MACC1: variants seen among roughly 807,000 people sequenced by gnomAD.
MACC1 encodes MET transcriptional regulator MACC1.
MACC1 carries 79 observed loss-of-function variants against 70.7 expected under a neutral mutation model. The observed-to-expected ratio is 1.12, with a 90% CI of 0.93 to 1.35. The LOEUF is 1.35. MACC1 is among the 40% of genes most tolerant of loss of function. The probability of loss-of-function intolerance (pLI) is 0.00; values close to 1 mark genes in which losing one functional copy is unlikely to be tolerated. For synonymous variants in MACC1, 361 were observed against 347.2 expected, an observed-to-expected ratio of 1.04 and a Z score of -0.44; for missense variants, 1,106 against 978.1, an observed-to-expected ratio of 1.13 and a Z score of -1.74.
intron 2 of MACC1, among the ~76,000 whole-genome samples, chr7:20,164,894 T>C (rs1782189988): frequency 3.8e-5 from 1 of 26,144 alleles, no homozygotes; most frequent in African/African-American, 2.1e-4. Context: ...ACCTAAACTC[T>C]TTTTTTTTTT....
chr7:20,136,925 A>G lies in MACC1; in HGVS notation c.*4021T>C, dbSNP rs1781726860. 1 of 147,996 alleles carries G rather than the reference A, an allele frequency of 6.8e-6. No individual in the cohort carries two copies. The highest frequency in any genetic ancestry group is 1.5e-5 in the Non-Finnish European group (1 of 67,116). 9.2% of individuals were successfully genotyped at this position (147,996 alleles called of 1,614,324 possible). Reference sequence around the variant, plus strand: ...TTAATTCTTAAAGATTATTAATTATAATATTAAATTATAATTATTAATTCT... The same window carrying G: ...TTAATTCTTAAAGATTATTAATTATGATATTAAATTATAATTATTAATTCT... On this transcript the variant is annotated 3_prime_UTR_variant, in exon 7 of 7. Transcript: ENST00000400331.
At chr7:20,200,630 T>C (rs764857751) in intron 1 of MACC1, among the ~76,000 whole-genome samples, 28 of 152,238 alleles carry the variant, frequency 1.8e-4, no homozygotes, top group Non-Finnish European at 3.7e-4. Flanking sequence ...AGTAATGCAC[T>C]CAACCATCAG....
Position 20,154,334 on chromosome 7 carries a change from T to A in MACC1, c.2205A>T (p.Gln735His). Residue 735 changes from glutamine to histidine, a missense_variant, in exon 6 of 7, where the codon CAA becomes CAT. By Grantham distance (24) the Gln-to-His change is conservative (BLOSUM62 0). Transcript: ENST00000400331. ...CAGCTGAAGTCAGAACAGCAGCTTCTTGGATGAGACGTGCGACTAACTCTT... is the reference window on the plus strand; with the variant it reads ...CAGCTGAAGTCAGAACAGCAGCTTCATGGATGAGACGTGCGACTAACTCTT... Reference protein sequence around the residue: ...DCQELVARLIQEAAVLTSAVK... With the variant: ...DCQELVARLIHEAAVLTSAVK... 6.2e-7 allele frequency: 1 copy of A among 1,613,970 alleles called. No individual in the cohort carries two copies. The highest frequency in any genetic ancestry group is 8.5e-7 in the Non-Finnish European group (1 of 1,179,916).
chr7:20,212,096 AAGAT>A (rs1783005206), intron 1 of MACC1, among the ~76,000 whole-genome samples: 1 of 152,220 alleles, frequency 6.6e-6, no homozygotes, highest in South Asian at 2.1e-4. Context: ...GATATCGACA[AAGAT>A]AGGATAGTGG....
chr7:20,154,286 C>T lies in MACC1; in HGVS notation c.2253G>A (p.Arg751=). The change falls in exon 6 of 7, where the codon AGG becomes AGA. Residue 751 remains arginine (R), a synonymous_variant. Coordinates refer to ENST00000400331, the MANE Select transcript of MACC1 (RefSeq NM_182762.4). ...GTCGTACTAACTTTTCAGCTAGTTC[C>T]CTCCAGCCTTTTCCAAGCTTGACAG... is the stretch of plus-strand genomic sequence containing the variant. ...TSAVKLGKGW[R]ELAEKLVRLT... is the part of the protein sequence containing the mutation. 5.0e-6 allele frequency: 8 copies of T among 1,613,910 alleles called. No homozygotes were observed. The highest frequency in any genetic ancestry group is 6.8e-6 in the Non-Finnish European group (8 of 1,179,920).
chr7:20,182,973 T>C (rs983528736), intron 1 of MACC1, among the ~76,000 whole-genome samples: 1 of 152,232 alleles, frequency 6.6e-6, no homozygotes, highest in East Asian at 1.9e-4. Context: ...TAGAACTTAA[T>C]TGAATTTGAC....
chr7:20,207,849 C>G (rs1782935228), intron 1 of MACC1, among the ~76,000 whole-genome samples: 1 of 152,192 alleles, frequency 6.6e-6, no homozygotes, highest in African/African-American at 2.4e-5. Flanking sequence ...GATATACACA[C>G]TGATATGGTT....
intron 6 of MACC1, among the ~76,000 whole-genome samples, chr7:20,143,889 T>G (rs1781847675): frequency 6.6e-6 from 1 of 152,158 alleles, no homozygotes; most frequent in Non-Finnish European, 1.5e-5. Context: ...GAGTGTAAGC[T>G]GTAATCTGGC....
Position 20,154,312 on chromosome 7 carries a change from C to CT in MACC1, c.2226dup (p.Ala743SerfsTer13), listed in dbSNP as rs761133257. On this transcript the variant is annotated frameshift_variant, in exon 6 of 7. Transcript: ENST00000400331. LOFTEE classifies it high-confidence loss of function. Reference sequence around the variant, plus strand: ...CTCCAGCCTTTTCCAAGCTTGACAGCTGAAGTCAGAACAGCAGCTTCTTGG... The same window carrying CT: ...CTCCAGCCTTTTCCAAGCTTGACAGCTTGAAGTCAGAACAGCAGCTTCTTGG... The CT allele has an allele frequency of 2.3e-5, 37 of 1,613,978 alleles. No homozygotes were observed. The highest frequency in any genetic ancestry group is 3.0e-5 in the Non-Finnish European group (35 of 1,179,938).
intron 3 of MACC1, 113 bp downstream of exon 3, chr7:20,164,143 G>C (rs1782177561): frequency 6.6e-6 from 1 of 152,216 alleles, no homozygotes; most frequent in Non-Finnish European, 1.5e-5. Flanking sequence ...CACCATGTTG[G>C]CCAGGCTGGT....
At chr7:20,171,077 G>C (rs539991821) in intron 1 of MACC1, among the ~76,000 whole-genome samples, 1 of 152,156 alleles carries the variant, frequency 6.6e-6, no homozygotes, top group South Asian at 2.1e-4. Flanking sequence ...GCAGTGACTT[G>C]AAAAATACTA....
intron 1 of MACC1, among the ~76,000 whole-genome samples, chr7:20,208,936 CA>C (rs1782954479): frequency 6.6e-6 from 1 of 152,226 alleles, no homozygotes; most frequent in Non-Finnish European, 1.5e-5. Context: ...GATCAAGGTA[CA>C]GCTCAGGTCA....
chr7:20,199,720 T>G (rs1438576807), intron 1 of MACC1, among the ~76,000 whole-genome samples: 1 of 152,112 alleles, frequency 6.6e-6, no homozygotes, highest in African/African-American at 2.4e-5. Context: ...CAGAGGTGAG[T>G]CAAAGAGTAC....
At chr7:20,163,844 A>G (rs1433355079) in intron 3 of MACC1, among the ~76,000 whole-genome samples, 1 of 152,246 alleles carries the variant, frequency 6.6e-6, no homozygotes, top group East Asian at 1.9e-4. Flanking sequence ...TTAAGATGCC[A>G]CATACCCTAT....
At chr7:20,160,573 T>C (rs565086806) in intron 4 of MACC1, among the ~76,000 whole-genome samples, 3 of 152,140 alleles carry the variant, frequency 2.0e-5, no homozygotes, top group African/African-American at 7.2e-5. Context: ...CAGACTAGCA[T>C]GTGCTTATGC....
chr7:20,194,288 TAAAAG>T (rs1307561490), intron 1 of MACC1, among the ~76,000 whole-genome samples: 3 of 152,078 alleles, frequency 2.0e-5, no homozygotes. Flanking sequence ...AGAAAAGAAT[TAAAAG>T]GAAAGCCAGG....
Position 20,140,408 on chromosome 7 carries a change from A to G in MACC1, c.*538T>C, listed in dbSNP as rs1781779255. The G allele has an allele frequency of 6.6e-6, 1 of 152,196 alleles. No individual in the cohort carries two copies. The highest frequency in any genetic ancestry group is 6.5e-5 in the Admixed American group (1 of 15,272). The allele number at this position is 152,196 out of a possible 1,614,324, so 9.4% of individuals were successfully genotyped here. On this transcript the variant is annotated 3_prime_UTR_variant, in exon 7 of 7. Transcript: ENST00000400331. ...GTGATGCTGGTGAACCCCACTGATGAACTGAAGAGGTCAGGTGTGGAAAGC... is the reference window on the plus strand; with the variant it reads ...GTGATGCTGGTGAACCCCACTGATGGACTGAAGAGGTCAGGTGTGGAAAGC...
chr7:20,215,339 C>T (rs1283234620), intron 1 of MACC1, among the ~76,000 whole-genome samples: 1 of 152,024 alleles, frequency 6.6e-6, no homozygotes, highest in Admixed American at 6.6e-5. Context: ...TAAACCCAGC[C>T]CAGGGGGAGT....
At chr7:20,184,771 T>G (rs1358833686) in intron 1 of MACC1, among the ~76,000 whole-genome samples, 1 of 152,170 alleles carries the variant, frequency 6.6e-6, no homozygotes, top group Non-Finnish European at 1.5e-5. Context: ...GAGCACCATT[T>G]TCCAGCAATA....
Sources: gnomAD v4.1 joint callset for allele counts (sites outside exome capture counted in the v4.1 genomes callset) on GRCh38, gnomAD v4.1.1 for gene constraint, MANE v1.5 for transcripts, NCBI Gene and HGNC (gene_info 2026-07-23, HGNC 2026-07-21) for gene names.